The following ANKRD45 variants were observed in gnomAD, a reference collection of about 807,000 sequenced individuals.
ANKRD45 encodes the protein ankyrin repeat domain-containing protein 45.
ANKRD45 carries 21 observed loss-of-function variants against 28.1 expected under a neutral mutation model. The observed-to-expected ratio is 0.75, with a 90% CI of 0.53 to 1.08. ANKRD45 has a LOEUF of 1.08. Among genes scored for constraint, ANKRD45 ranks in the 50% least tolerant of loss-of-function variants. ANKRD45 has a pLI of 0.00. For synonymous variants in ANKRD45, 86 were observed against 103.9 expected (o/e 0.83, Z 1.05); for missense variants, 261 against 308.7 (o/e 0.85, Z 1.16).
At chr1:173,687,459 C>CCA in the ANKRD45 span, among the ~76,000 whole-genome samples, 1 of 104,674 alleles carries the variant, frequency 9.6e-6, no homozygotes, top group Non-Finnish European at 1.9e-5. Context: ...ATTCTACCCC[C>CCA]CCCCCACCCC....
intron 3 of ANKRD45, among the ~76,000 whole-genome samples, chr1:173,638,503 A>C (rs557518706): frequency 6.6e-6 from 1 of 152,048 alleles, no homozygotes; most frequent in Non-Finnish European, 1.5e-5. Context: ...AGTGCTAGAA[A>C]CCTCCAGCAA....
intron 2 of ANKRD45, among the ~76,000 whole-genome samples, chr1:173,648,093 C>T (rs1274424620): frequency 6.6e-6 from 1 of 152,122 alleles, no homozygotes; most frequent in Non-Finnish European, 1.5e-5. Flanking sequence ...GCATGCAGCA[C>T]CACGCCCAGC....
intron 2 of ANKRD45, among the ~76,000 whole-genome samples, chr1:173,655,288 G>A (rs1253837846): frequency 2.0e-5 from 3 of 152,162 alleles, no homozygotes; most frequent in Non-Finnish European, 4.4e-5. Flanking sequence ...TGCTGTGGAT[G>A]TCCTTTTTGT....
chr1:173,711,754 C>T, the ANKRD45 span, among the ~76,000 whole-genome samples: 1 of 152,270 alleles, frequency 6.6e-6, no homozygotes, highest in Admixed American at 6.5e-5. Context: ...ACTGCAAATG[C>T]CAGGTTTACC....
intron 2 of ANKRD45, among the ~76,000 whole-genome samples, chr1:173,652,003 G>C (rs140982638): frequency 1.3e-5 from 2 of 152,164 alleles, no homozygotes; most frequent in African/African-American, 4.8e-5. Flanking sequence ...GGGCTGAAAC[G>C]ATGGGGTTTT....
chr1:173,673,131 G>A (rs1670310222), upstream of ANKRD45, among the ~76,000 whole-genome samples: 1 of 139,648 alleles, frequency 7.2e-6, no homozygotes. Context: ...TTTTTTTTGA[G>A]ATGGAGTCTT....
chr1:173,608,377 G>T lies in ANKRD45; in HGVS notation c.*1768C>A, dbSNP rs1667013313. The stretch of plus-strand genomic sequence containing the variant: ...CTGTCACCCAGGCTGGAATGCAGTG[G>T]TGCGATCTCGGCTCACTGCAACCTC... On this transcript the variant is annotated 3_prime_UTR_variant, in exon 6 of 6. Coordinates refer to ENST00000333279, the MANE Select transcript of ANKRD45 (RefSeq NM_198493.3). 6.6e-6 allele frequency among the ~76,000 whole-genome samples: 1 copy of T among 152,114 alleles called. No homozygotes were observed. Among genetic ancestry groups the T allele is most frequent in the Non-Finnish European group, 1.5e-5 (1 of 68,012 alleles).
chr1:173,654,386 G>T (rs1025329132), intron 2 of ANKRD45, among the ~76,000 whole-genome samples: 4 of 152,108 alleles, frequency 2.6e-5, no homozygotes, highest in African/African-American at 9.7e-5. Flanking sequence ...GTAATTCTGG[G>T]TTGAAAATTC....
At chr1:173,659,799 A>G (rs1348129090) in intron 1 of ANKRD45, among the ~76,000 whole-genome samples, 1 of 152,190 alleles carries the variant, frequency 6.6e-6, no homozygotes, top group Non-Finnish European at 1.5e-5. Flanking sequence ...AGAAGTGAGA[A>G]ATATAATTGG....
upstream of ANKRD45, among the ~76,000 whole-genome samples, chr1:173,673,055 A>G (rs1230798883): frequency 4.6e-5 from 7 of 152,092 alleles, no homozygotes; most frequent in East Asian, 1.9e-4. Flanking sequence ...TTTTTCCAAC[A>G]TAAGAGAATA....
rs1303587156 is a variant in ANKRD45 at position 173,635,313 on chromosome 1, A to T, written c.497-8154T>A. The T allele has an allele frequency of 7.8e-6, 4 of 510,826 alleles. No individual in the cohort carries two copies. In the East Asian group the frequency reaches 1.3e-4, roughly 16 times the overall value. 31.6% of individuals were successfully genotyped at this position (510,826 alleles called of 1,614,324 possible). Reference sequence around the variant, plus strand: ...CACTATGACTGATGATGTTACAATGATCATCACTGTATCCTTTGCTGGGCA... The same window carrying T: ...CACTATGACTGATGATGTTACAATGTTCATCACTGTATCCTTTGCTGGGCA... On this transcript the variant is annotated intron_variant, in intron 3 of 5. Transcript: ENST00000333279.
intron 4 of ANKRD45, 120 bp from the exon 5 acceptor site, chr1:173,625,045 G>A: frequency 2.8e-6 from 3 of 1,057,650 alleles, no homozygotes; most frequent in African/African-American, 3.2e-5. Flanking sequence ...TTCTGTACCT[G>A]CATTGTCCAA....
At chr1:173,711,019 G>T in the ANKRD45 span, among the ~76,000 whole-genome samples, 1 of 151,992 alleles carries the variant, frequency 6.6e-6, no homozygotes, top group Non-Finnish European at 1.5e-5. Flanking sequence ...GAAAAAAAAA[G>T]AAGAAGAATG....
intron 3 of ANKRD45, 76 bp downstream of exon 3, chr1:173,646,770 G>T: frequency 7.1e-7 from 1 of 1,418,106 alleles, no homozygotes; most frequent in Non-Finnish European, 9.7e-7. Context: ...GTGAAAAAAG[G>T]TGACATATCC....
At chr1:173,675,340 C>T in the ANKRD45 span, 31 of 345,418 alleles carry the variant, frequency 9.0e-5, no homozygotes, top group East Asian at 1.7e-3. Flanking sequence ...AGGCCAGTCA[C>T]GGTGGCTCAT....
intron 5 of ANKRD45, among the ~76,000 whole-genome samples, chr1:173,613,029 G>C (rs1217550351): frequency 6.6e-6 from 1 of 152,120 alleles, no homozygotes; most frequent in African/African-American, 2.4e-5. Flanking sequence ...TGGGAAGTGA[G>C]GAGCGTCTCT....
the ANKRD45 span, among the ~76,000 whole-genome samples, chr1:173,678,881 C>T: frequency 5.3e-5 from 8 of 152,092 alleles, no homozygotes; most frequent in African/African-American, 1.9e-4. Flanking sequence ...AGTCAATGTG[C>T]AAAAATCACA....
intron 3 of ANKRD45, among the ~76,000 whole-genome samples, chr1:173,640,680 G>A (rs1390793235): frequency 6.6e-6 from 1 of 152,084 alleles, no homozygotes; most frequent in Non-Finnish European, 1.5e-5. Flanking sequence ...ATCAATGACA[G>A]CTAGCCTTTT....
At chr1:173,614,898 C>T (rs1667392259) in intron 5 of ANKRD45, among the ~76,000 whole-genome samples, 1 of 152,004 alleles carries the variant, frequency 6.6e-6, no homozygotes, top group South Asian at 2.1e-4. Flanking sequence ...CTCACTGCAT[C>T]CTCCACCTCC....
Sources: gnomAD v4.1 joint callset for allele counts (sites outside exome capture counted in the v4.1 genomes callset) on GRCh38, gnomAD v4.1.1 for gene constraint, MANE v1.5 for transcripts, NCBI Gene and HGNC (gene_info 2026-07-23, HGNC 2026-07-21) for gene names.